The following TBC1D4 variants were observed in gnomAD, a reference collection of about 807,000 sequenced individuals.
TBC1D4 encodes the protein TBC1 domain family member 4, also known as TBC (Tre-2, BUB2, CDC16) domain-containing protein.
In TBC1D4, 121 loss-of-function variants were observed where a neutral mutation model predicts 142.5. The observed-to-expected ratio is 0.85, with a 90% CI of 0.73 to 0.99. TBC1D4 has a LOEUF of 0.99. Ranked by LOEUF, TBC1D4 falls within the 50% of genes least tolerant of loss-of-function variation. The probability of loss-of-function intolerance (pLI) is 0.00; values close to 1 mark genes in which losing one functional copy is unlikely to be tolerated. For synonymous variants in TBC1D4, 630 were observed against 628.2 expected (o/e 1.00, Z -0.04); for missense variants, 1,475 against 1,606.6 (o/e 0.92, Z 1.40).
At chr13:75,355,546 C>T (rs149642735) in intron 4 of TBC1D4, among the ~76,000 whole-genome samples, 15 of 152,244 alleles carry the variant, frequency 9.9e-5, no homozygotes, top group South Asian at 2.1e-4. Context: ...CACAGCTCTA[C>T]GAATCTCTCC....
At chr13:75,317,581 T>C (rs1261086349) in intron 12 of TBC1D4, among the ~76,000 whole-genome samples, 1 of 152,222 alleles carries the variant, frequency 6.6e-6, no homozygotes. Context: ...TTATAACCAT[T>C]CCCTTATGTT....
chr13:75,435,768 T>G (rs927586246), intron 1 of TBC1D4, among the ~76,000 whole-genome samples: 2 of 152,140 alleles, frequency 1.3e-5, no homozygotes, highest in African/African-American at 4.8e-5. Flanking sequence ...AAGTCTGAAA[T>G]CCATTTTTGT....
intron 1 of TBC1D4, among the ~76,000 whole-genome samples, chr13:75,447,510 G>GTGTGTT (rs1193558033): frequency 6.6e-6 from 1 of 151,364 alleles, no homozygotes; most frequent in Non-Finnish European, 1.5e-5. Context: ...ATGTGTGTGT[G>GTGTGTT]TGTGTGTGTG....
At chr13:75,377,567 A>G (rs1271649990) in intron 1 of TBC1D4, among the ~76,000 whole-genome samples, 1 of 151,948 alleles carries the variant, frequency 6.6e-6, no homozygotes, top group Non-Finnish European at 1.5e-5. Context: ...TACCTCAAAC[A>G]CAAATGAGCA....
At position 75,284,688 on chromosome 13, in the gene TBC1D4, T is replaced by G. The variant is rs1476502235; in HGVS notation, c.*2104A>C. 1 of 152,204 alleles carries G rather than the reference T, an allele frequency of 6.6e-6. No individual in the cohort carries two copies. The highest frequency in any genetic ancestry group is 1.5e-5 in the Non-Finnish European group (1 of 68,038). 9.4% of individuals were successfully genotyped at this position (152,204 alleles called of 1,614,324 possible). A position where few individuals can be genotyped will look rare whatever the true frequency, so the allele number is the denominator to read the frequency against. On this transcript the variant is annotated 3_prime_UTR_variant, in exon 21 of 21. Coordinates refer to ENST00000377636, the MANE Select transcript of TBC1D4 (RefSeq NM_014832.5). ...ATACGTCAAGAAAGCTGCAGCAATA[T>G]ATTTATTGCAAAGGAACTAGACATT...
chr13:75,409,442 C>A (rs539933425), intron 1 of TBC1D4, among the ~76,000 whole-genome samples: 155 of 152,264 alleles, frequency 1.0e-3, no homozygotes, highest in African/African-American at 3.4e-3. Flanking sequence ...TCTGTTCTTC[C>A]ATTTCAGTAG....
chr13:75,392,782 T>C (rs750253766), intron 1 of TBC1D4, among the ~76,000 whole-genome samples: 3 of 152,062 alleles, frequency 2.0e-5, no homozygotes, highest in Non-Finnish European at 2.9e-5. Context: ...ACTACAAGCA[T>C]GCGCCACCAC....
rs778049006 is a variant in TBC1D4 at position 75,306,295 on chromosome 13, T to A, written c.2752+18A>T. 10 of 1,587,338 alleles carry A rather than the reference T, an allele frequency of 6.3e-6. No individual in the cohort carries two copies. The African/African-American group carries it at 1.4e-4, about 22-fold the overall frequency. ...CTTTTCTTTAAAAAACAAAAATTAC[T>A]GAGATTATCCCAAATACCTTCTTTA... On this transcript the variant is annotated intron_variant, in intron 15 of 20. Transcript: ENST00000377636.
intron 1 of TBC1D4, among the ~76,000 whole-genome samples, chr13:75,443,157 C>T (rs1468290529): frequency 6.6e-6 from 1 of 152,202 alleles, no homozygotes; most frequent in Non-Finnish European, 1.5e-5. Flanking sequence ...ATGCCAACAG[C>T]GGCTAGGACA....
chr13:75,313,393 T>A (rs980916136), intron 12 of TBC1D4, among the ~76,000 whole-genome samples: 3 of 152,220 alleles, frequency 2.0e-5, no homozygotes, highest in African/African-American at 7.2e-5. Context: ...AGTTGAATCA[T>A]GGCAGATGAT....
chr13:75,414,450 G>A (rs1885826011), intron 1 of TBC1D4, among the ~76,000 whole-genome samples: 1 of 152,200 alleles, frequency 6.6e-6, no homozygotes, highest in South Asian at 2.1e-4. Context: ...AAGCTGAAAT[G>A]AGGGGAAGTA....
intron 1 of TBC1D4, among the ~76,000 whole-genome samples, chr13:75,409,670 A>T (rs1340998465): frequency 6.6e-6 from 1 of 152,254 alleles, no homozygotes; most frequent in Non-Finnish European, 1.5e-5. Flanking sequence ...TATAATTTTA[A>T]GGAACAAAAA....
chr13:75,292,027 T>C (rs1052495101), intron 19 of TBC1D4, 75 bp downstream of exon 19: 2 of 1,288,862 alleles, frequency 1.6e-6, no homozygotes, highest in Admixed American at 2.3e-5. Context: ...CAAAGCTACA[T>C]TTTTAGGCTA....
chr13:75,479,450 T>A (rs998745462), intron 1 of TBC1D4, among the ~76,000 whole-genome samples: 1 of 152,024 alleles, frequency 6.6e-6, no homozygotes, highest in Non-Finnish European at 1.5e-5. Context: ...AACGCTTAAA[T>A]ATATAATGGA....
intron 4 of TBC1D4, among the ~76,000 whole-genome samples, chr13:75,355,365 A>G (rs558159169): frequency 2.4e-4 from 36 of 152,344 alleles, no homozygotes; most frequent in Non-Finnish European, 4.3e-4. Context: ...AGGTGCAAGA[A>G]TGAGTAAAAA....
intron 1 of TBC1D4, among the ~76,000 whole-genome samples, chr13:75,399,059 T>C (rs1373436555): frequency 1.3e-5 from 2 of 152,102 alleles, no homozygotes; most frequent in Non-Finnish European, 2.9e-5. Context: ...TAAATGAAAT[T>C]AGGCGGGCGC....
intron 1 of TBC1D4, among the ~76,000 whole-genome samples, chr13:75,364,199 G>A (rs1173486145): frequency 6.6e-6 from 1 of 152,110 alleles, no homozygotes; most frequent in Non-Finnish European, 1.5e-5. Context: ...CTTCTACTCA[G>A]CTCCAGCCAC....
intron 7 of TBC1D4, among the ~76,000 whole-genome samples, chr13:75,340,558 T>A (rs1880598502): frequency 6.6e-6 from 1 of 152,222 alleles, no homozygotes; most frequent in African/African-American, 2.4e-5. Flanking sequence ...CACGAACATG[T>A]ACTATTAATG....
intron 12 of TBC1D4, among the ~76,000 whole-genome samples, chr13:75,315,928 T>C (rs1878280529): frequency 2.6e-5 from 4 of 152,168 alleles, no homozygotes; most frequent in African/African-American, 7.2e-5. Context: ...TTCTAGTAAG[T>C]GTTATTCCTT....
Sources: gnomAD v4.1 joint callset for allele counts (sites outside exome capture counted in the v4.1 genomes callset) on GRCh38, gnomAD v4.1.1 for gene constraint, MANE v1.5 for transcripts, NCBI Gene and HGNC (gene_info 2026-07-23, HGNC 2026-07-21) for gene names.